GRIK2: variants seen among roughly 807,000 people sequenced by gnomAD.
The protein encoded by GRIK2 is glutamate receptor ionotropic, kainate 2.
A neutral mutation model predicts 100.3 loss-of-function variants in GRIK2; 32 were observed. That is an observed-to-expected ratio of 0.32 (90% confidence interval 0.24 to 0.43). GRIK2 has a LOEUF of 0.43. Among genes scored for constraint, GRIK2 ranks in the 20% least tolerant of loss-of-function variants. GRIK2 has a pLI of 1.00. For synonymous variants in GRIK2, 417 were observed against 389.4 expected (o/e 1.07, Z -0.83); for missense variants, 843 against 1,114.9 (o/e 0.76, Z 3.47).
rs996182370 is a variant in GRIK2, at chr6:101,399,219, C to G, written c.-59C>G. ...GACGCATCCTCATTTCTACCCGAAC[C>G]CAGGAGCCGAACGCTAGATCGGGGA... On this transcript the variant is annotated 5_prime_UTR_variant, in exon 2 of 17. Transcript: ENST00000369134. The G allele has an allele frequency of 7.1e-6, 6 of 841,780 alleles. No individual in the cohort carries two copies. The highest frequency in any genetic ancestry group is 6.3e-6 in the Non-Finnish European group (3 of 476,014). The allele number at this position is 841,780 out of a possible 1,614,324, so 52.1% of individuals were successfully genotyped here.
At chr6:102,013,240 G>A (rs1795642845) in intron 14 of GRIK2, among the ~76,000 whole-genome samples, 1 of 152,036 alleles carries the variant, frequency 6.6e-6, no homozygotes, top group South Asian at 2.1e-4. Flanking sequence ...TACCTTGGCT[G>A]TTGCTTGTGT....
At chr6:101,542,111 C>T (rs749948204) in intron 2 of GRIK2, among the ~76,000 whole-genome samples, 25 of 151,878 alleles carry the variant, frequency 1.6e-4, no homozygotes, top group South Asian at 6.2e-4. Context: ...TACTGTTTCC[C>T]GTGTTTCTAG....
intron 7 of GRIK2, among the ~76,000 whole-genome samples, chr6:101,794,509 C>G (rs913029841): frequency 2.0e-5 from 3 of 151,576 alleles, no homozygotes; most frequent in African/African-American, 4.8e-5. Flanking sequence ...ATCGTTTGTT[C>G]CCTTCTTTCT....
At chr6:101,888,900 T>G (rs532001588) in intron 11 of GRIK2, among the ~76,000 whole-genome samples, 1 of 152,274 alleles carries the variant, frequency 6.6e-6, no homozygotes, top group Non-Finnish European at 1.5e-5. Flanking sequence ...GAGCTTAAGT[T>G]CATCTTTGAC....
In GRIK2 at chr6:102,069,755, G is replaced by T. The variant is rs1002964973; in HGVS notation, c.*1244G>T. On this transcript the variant is annotated 3_prime_UTR_variant, in exon 17 of 17. Transcript: ENST00000369134. ...ACAAGAACATGTGTTCCTGTCAGGGGTGTGATGTCAAGCATGAATGGTAGT... is the reference window on the plus strand; with the variant it reads ...ACAAGAACATGTGTTCCTGTCAGGGTTGTGATGTCAAGCATGAATGGTAGT... 1 of 151,934 alleles carries T rather than the reference G, an allele frequency of 6.6e-6. No individual in the cohort carries two copies. The highest frequency in any genetic ancestry group is 6.6e-5 in the Admixed American group (1 of 15,206). 9.4% of individuals were successfully genotyped at this position (151,934 alleles called of 1,614,324 possible).
At chr6:101,895,203 A>G (rs9485557) in intron 12 of GRIK2, among the ~76,000 whole-genome samples, 13,156 of 151,786 alleles carry the variant, frequency 0.087, 772 homozygotes, top group African/African-American at 0.14. Flanking sequence ...AGAATATTCA[A>G]TGTGTTACAT....
Position 101,490,224 on chromosome 6 carries a change from T to C in GRIK2, c.115+90832T>C, listed in dbSNP as rs978437793. 1.7e-4 allele frequency among the ~76,000 whole-genome samples: 25 copies of C among 147,284 alleles called. 5 individuals carry two copies. Among genetic ancestry groups the C allele is most frequent in the African/African-American group, 6.4e-4 (25 of 38,840 alleles). ...ACATATTATGCAACATACTGTGCTA[T>C]GCTAAACAGCTTTCTTGGGCCATCT... is the stretch of plus-strand genomic sequence containing the variant. On this transcript the variant is annotated intron_variant, in intron 2 of 16. Coordinates refer to ENST00000369134, the MANE Select transcript of GRIK2 (RefSeq NM_021956.5).
At chr6:101,815,192 G>GA (rs931750337) in intron 9 of GRIK2, among the ~76,000 whole-genome samples, 5 of 151,968 alleles carry the variant, frequency 3.3e-5, no homozygotes, top group African/African-American at 9.7e-5. Flanking sequence ...CAAATGACAG[G>GA]AAAAAATAGG....
chr6:101,719,250 T>C (rs960363327), intron 7 of GRIK2, among the ~76,000 whole-genome samples: 10 of 149,660 alleles, frequency 6.7e-5, no homozygotes, highest in African/African-American at 2.5e-4. Flanking sequence ...AGCAGCTGTT[T>C]GGGGAAAGTA....
chr6:101,598,266 C>G (rs1438456313), intron 2 of GRIK2, among the ~76,000 whole-genome samples: 1 of 151,484 alleles, frequency 6.6e-6, no homozygotes, highest in Non-Finnish European at 1.5e-5. Flanking sequence ...TTCATTTGCC[C>G]TTGTCTACAA....
intron 14 of GRIK2, among the ~76,000 whole-genome samples, chr6:102,000,207 T>G (rs1794862399): frequency 6.6e-6 from 1 of 152,006 alleles, no homozygotes; most frequent in African/African-American, 2.4e-5. Context: ...TTAAATTTTT[T>G]TTAATGTTTG....
chr6:101,896,011 T>C (rs1010901849), intron 12 of GRIK2, among the ~76,000 whole-genome samples: 2 of 151,800 alleles, frequency 1.3e-5, no homozygotes, highest in Non-Finnish European at 1.5e-5. Context: ...AAACTGTGGA[T>C]TAAAATATTT....
chr6:101,468,354 G>GT (rs1046627942), intron 2 of GRIK2, among the ~76,000 whole-genome samples: 5 of 152,178 alleles, frequency 3.3e-5, no homozygotes, highest in East Asian at 3.9e-4. Flanking sequence ...AAAACATTCA[G>GT]TTTTTTAAAG....
At chr6:101,519,058 C>T (rs1157444913) in intron 2 of GRIK2, among the ~76,000 whole-genome samples, 1 of 152,280 alleles carries the variant, frequency 6.6e-6, no homozygotes, top group East Asian at 1.9e-4. Context: ...CTAGAATTTA[C>T]TCTTGTTCAA....
In GRIK2 at chr6:101,964,932, G is replaced by A. The variant is rs577902790; in HGVS notation, c.2085+36300G>A. ...AGCAGGATACATAAGGGCATAGGGT[G>A]TAGATTATGTTAAGTTTGCGGGAAA... On this transcript the variant is annotated intron_variant, in intron 14 of 16. Transcript: ENST00000369134. Among the ~76,000 whole-genome samples, 4 of 152,216 alleles carry A rather than the reference G, an allele frequency of 2.6e-5. No individual in the cohort carries two copies. In the East Asian group the frequency reaches 7.8e-4, roughly 30 times the overall value.
intron 11 of GRIK2, among the ~76,000 whole-genome samples, chr6:101,874,344 T>C (rs975887152): frequency 6.6e-6 from 1 of 152,196 alleles, no homozygotes; most frequent in Non-Finnish European, 1.5e-5. Flanking sequence ...CACCATTTAT[T>C]AAATAGGGAA....
chr6:101,469,069 A>G (rs1348546875), intron 2 of GRIK2, among the ~76,000 whole-genome samples: 1 of 152,188 alleles, frequency 6.6e-6, no homozygotes, highest in Non-Finnish European at 1.5e-5. Context: ...GGTTGAAGGG[A>G]AGATTCTCAG....
chr6:101,753,829 G>A (rs758487857), intron 7 of GRIK2, among the ~76,000 whole-genome samples: 2 of 151,740 alleles, frequency 1.3e-5, no homozygotes, highest in Non-Finnish European at 2.9e-5. Flanking sequence ...TAAAATAATA[G>A]TACAAATAAA....
intron 12 of GRIK2, among the ~76,000 whole-genome samples, chr6:101,922,683 G>A (rs1789635640): frequency 6.6e-6 from 1 of 152,020 alleles, no homozygotes; most frequent in Non-Finnish European, 1.5e-5. Context: ...CTCATGCTTT[G>A]GGCAGGGGAA....
Sources: allele counts gnomAD v4.1 joint callset (sites outside exome capture counted in the v4.1 genomes callset), GRCh38; gene constraint gnomAD v4.1.1; transcripts MANE v1.5; gene names NCBI Gene and HGNC (gene_info 2026-07-23, HGNC 2026-07-21).